The following GALNTL6 variants were observed in gnomAD, a reference collection of about 807,000 sequenced individuals.
GALNTL6 encodes the protein polypeptide N-acetylgalactosaminyltransferase like 6.
A neutral mutation model predicts 73.7 loss-of-function variants in GALNTL6; 46 were observed. The observed-to-expected ratio is 0.62, with a 90% CI of 0.49 to 0.80. The LOEUF is 0.80. Among genes scored for constraint, GALNTL6 ranks in the 30% least tolerant of loss-of-function variants. The probability of loss-of-function intolerance (pLI) is 0.00; values close to 1 mark genes in which losing one functional copy is unlikely to be tolerated. For missense variants in GALNTL6, 604 were observed against 755.0 expected, an observed-to-expected ratio of 0.80 and a Z score of 2.34; for synonymous variants, 259 against 263.7, an observed-to-expected ratio of 0.98 and a Z score of 0.17.
chr4:172,546,817 T>TGTATATATAC (rs1561131841), intron 5 of GALNTL6, among the ~76,000 whole-genome samples: 17 of 15,886 alleles, frequency 1.1e-3, no homozygotes, highest in African/African-American at 1.7e-3. Flanking sequence ...CGTATATATA[T>TGTATATATAC]ACGTATATGT....
At chr4:172,388,032 CATGTTGGATACG>C (rs1743533000) in intron 5 of GALNTL6, among the ~76,000 whole-genome samples, 1 of 152,164 alleles carries the variant, frequency 6.6e-6, no homozygotes, top group Admixed American at 6.5e-5. Context: ...TACTCACTTG[CATGTTGGATACG>C]ATCAAAATAG....
intron 5 of GALNTL6, among the ~76,000 whole-genome samples, chr4:172,549,326 T>G (rs1735878998): frequency 6.6e-6 from 1 of 152,180 alleles, no homozygotes; most frequent in South Asian, 2.1e-4. Context: ...TTTCTGACAC[T>G]CTTACCACAT....
intron 2 of GALNTL6, among the ~76,000 whole-genome samples, chr4:172,079,657 G>T (rs1394849): frequency 0.97 from 147,957 of 152,158 alleles, 72,074 homozygotes; most frequent in Middle Eastern, 1. Context: ...ATTTTCCTTT[G>T]CTCAGTAGTG....
At chr4:172,380,764 T>A (rs1252384662) in intron 5 of GALNTL6, among the ~76,000 whole-genome samples, 1 of 152,210 alleles carries the variant, frequency 6.6e-6, no homozygotes, top group African/African-American at 2.4e-5. Context: ...TCATATTCAA[T>A]TGTTTTGTTT....
chr4:171,846,266 C>T (rs1232736257), intron 2 of GALNTL6, among the ~76,000 whole-genome samples: 6 of 152,150 alleles, frequency 3.9e-5, no homozygotes, highest in Non-Finnish European at 8.8e-5. Flanking sequence ...ATCTGGAGGG[C>T]TTTCATAGTG....
At chr4:171,897,882 G>A (rs879927055) in intron 2 of GALNTL6, among the ~76,000 whole-genome samples, 17 of 149,228 alleles carry the variant, frequency 1.1e-4, no homozygotes, top group Non-Finnish European at 2.4e-4. Context: ...AGCCGAGATC[G>A]TGCCACTGCA....
At chr4:172,208,493 T>C (rs1736216863) in intron 2 of GALNTL6, among the ~76,000 whole-genome samples, 1 of 152,144 alleles carries the variant, frequency 6.6e-6, no homozygotes, top group Admixed American at 6.5e-5. Flanking sequence ...CACAGCCAAA[T>C]CTGCTGAAGG....
intron 5 of GALNTL6, among the ~76,000 whole-genome samples, chr4:172,743,132 T>C: frequency 6.6e-6 from 1 of 152,036 alleles, no homozygotes; most frequent in Non-Finnish European, 1.5e-5. Context: ...CTTTCCTCCA[T>C]GGGATGTGCT....
At chr4:171,983,827 G>C (rs937384668) in intron 2 of GALNTL6, among the ~76,000 whole-genome samples, 3 of 152,222 alleles carry the variant, frequency 2.0e-5, no homozygotes, top group Middle Eastern at 3.4e-3. Flanking sequence ...AACTGCTGCT[G>C]CTCTCCTCCT....
At chr4:172,041,285 A>G (rs1742080215) in intron 2 of GALNTL6, among the ~76,000 whole-genome samples, 1 of 152,038 alleles carries the variant, frequency 6.6e-6, no homozygotes, top group Non-Finnish European at 1.5e-5. Flanking sequence ...CAAAGGCAGC[A>G]TTTTACCTTT....
chr4:171,902,355 A>G (rs1737124149), intron 2 of GALNTL6, among the ~76,000 whole-genome samples: 1 of 152,220 alleles, frequency 6.6e-6, no homozygotes, highest in African/African-American at 2.4e-5. Flanking sequence ...GAAGTGCAGT[A>G]AAAATCAAGG....
At chr4:172,635,320 A>G (rs972350521) in intron 5 of GALNTL6, among the ~76,000 whole-genome samples, 1 of 152,172 alleles carries the variant, frequency 6.6e-6, no homozygotes, top group Non-Finnish European at 1.5e-5. Context: ...TAATTCAAAT[A>G]AGATGTATTT....
At chr4:172,661,204 TA>T (rs749687119) in intron 5 of GALNTL6, among the ~76,000 whole-genome samples, 20 of 152,228 alleles carry the variant, frequency 1.3e-4, no homozygotes, top group East Asian at 1.2e-3. Flanking sequence ...AAGGCCTCAA[TA>T]AAACAAAACT....
intron 10 of GALNTL6, among the ~76,000 whole-genome samples, chr4:173,005,119 A>C (rs1204517549): frequency 6.6e-6 from 1 of 151,728 alleles, no homozygotes; most frequent in Non-Finnish European, 1.5e-5. Context: ...GTATTAAGCT[A>C]AGCCTGACTT....
chr4:172,073,923 A>G (rs1461405051), intron 2 of GALNTL6, among the ~76,000 whole-genome samples: 1 of 152,196 alleles, frequency 6.6e-6, no homozygotes, highest in Non-Finnish European at 1.5e-5. Flanking sequence ...CTTTGATGTA[A>G]TTGTGAGAGC....
intron 5 of GALNTL6, among the ~76,000 whole-genome samples, chr4:172,787,564 A>C (rs566712705): frequency 5.9e-5 from 9 of 152,322 alleles, no homozygotes; most frequent in African/African-American, 2.2e-4. Flanking sequence ...GGTTCCCACT[A>C]TTTGTGTCTC....
At chr4:173,022,215 G>C (rs1371766457) in intron 12 of GALNTL6, among the ~76,000 whole-genome samples, 1 of 133,872 alleles carries the variant, frequency 7.5e-6, no homozygotes, top group Admixed American at 7.0e-5. Flanking sequence ...AAGGAAGGAA[G>C]GAAGGAAGGA....
chr4:172,518,932 A>G (rs1461455223), intron 5 of GALNTL6, among the ~76,000 whole-genome samples: 1 of 151,856 alleles, frequency 6.6e-6, no homozygotes, highest in Non-Finnish European at 1.5e-5. Context: ...CTGCAAACCA[A>G]TGATGCTGTG....
rs998870703 is a variant in GALNTL6, at chr4:171,928,345, A to C, written c.138+113627A>C. ...TTTAAAATTTTTCTTCTCATCACTTAACAGTAACGATGGAGTCCCTTGGAT... is the reference window on the plus strand; with the variant it reads ...TTTAAAATTTTTCTTCTCATCACTTCACAGTAACGATGGAGTCCCTTGGAT... On this transcript the variant is annotated intron_variant, in intron 2 of 12. Transcript: ENST00000506823. Among the ~76,000 whole-genome samples the C allele has an allele frequency of 2.5e-4, 38 of 152,296 alleles. 1 individual carries two copies. The highest frequency in any genetic ancestry group is 8.9e-4 in the African/African-American group (37 of 41,566).
Sources: allele counts gnomAD v4.1 joint callset (sites outside exome capture counted in the v4.1 genomes callset), GRCh38; gene constraint gnomAD v4.1.1; transcripts MANE v1.5; gene names NCBI Gene and HGNC (gene_info 2026-07-23, HGNC 2026-07-21).